Variants in PLIN1 observed in about 807,000 individuals in gnomAD.
PLIN1 encodes perilipin-1.
PLIN1 carries 37 observed loss-of-function variants against 45.8 expected under a neutral mutation model. The observed-to-expected ratio is 0.81, with a 90% CI of 0.62 to 1.06. PLIN1 has a LOEUF of 1.06. Among genes scored for constraint, PLIN1 ranks in the 50% least tolerant of loss-of-function variants. PLIN1 has a pLI of 0.00. For synonymous variants in PLIN1, 340 were observed against 309.2 expected, an observed-to-expected ratio of 1.10 and a Z score of -1.05; for missense variants, 776 against 716.5, an observed-to-expected ratio of 1.08 and a Z score of -0.95.
Position 89,673,392 on chromosome 15 carries a change from CGCT to C in PLIN1, c.65_67del (p.Gln22del). The C allele has an allele frequency of 6.2e-7, 1 of 1,602,336 alleles. No homozygotes were observed. The highest frequency in any genetic ancestry group is 8.5e-7 in the Non-Finnish European group (1 of 1,174,190). On this transcript the variant is annotated inframe_deletion, in exon 3 of 9. Transcript: ENST00000300055. ...ACTCACCACCGGCAGCTGCAGGACCCGCTGCAGCACATTCTCCTGCTCCTGGTG... is the reference window on the plus strand; with the variant it reads ...ACTCACCACCGGCAGCTGCAGGACCCGCAGCACATTCTCCTGCTCCTGGTG...
At chr15:89,667,305 T>C (rs1487275692) in intron 7 of PLIN1, 124 bp from the exon 8 acceptor site, 2 of 1,302,472 alleles carry the variant, frequency 1.5e-6, no homozygotes, top group African/African-American at 2.9e-5. Context: ...AGGCCTATTC[T>C]GCCACTAGCA....
At position 89,664,831 on chromosome 15, in the gene PLIN1, T is replaced by C. The variant is rs1197301590; in HGVS notation, c.*752A>G. On this transcript the variant is annotated 3_prime_UTR_variant, in exon 9 of 9. Transcript: ENST00000300055. ...ACTAGGGTTGGGGATGAACTGTGGC[T>C]ATACATAAAGTCTATATATCATCAC... is the stretch of plus-strand genomic sequence containing the variant. 1 of 455,290 alleles carries C rather than the reference T, an allele frequency of 2.2e-6. No homozygotes were observed. Among genetic ancestry groups the C allele is most frequent in the South Asian group, 1.6e-5 (1 of 64,312 alleles). 28.2% of individuals were successfully genotyped at this position (455,290 alleles called of 1,614,324 possible). A position where few individuals can be genotyped will look rare whatever the true frequency, so the allele number is the denominator to read the frequency against.
rs747073444 is a variant in PLIN1, at chr15:89,665,757, G to T, written c.1395C>A (p.Pro465=). Residue 465 remains proline, a synonymous_variant, in exon 9 of 9, where the codon CCC becomes CCA. Transcript: ENST00000300055. ...CTTCGTCCTCCAGGCCCGGGCCGGG[G>T]GGCGCGCCGGGGCTCTGCGCGCTGC... ...SLRSAQSPGA[P]PGPGLEDEVA... 2.3e-4 allele frequency: 298 copies of T among 1,273,980 alleles called. 3 individuals are homozygous for T. In the South Asian group the frequency reaches 6.1e-3, roughly 26 times the overall value. 78.9% of individuals were successfully genotyped at this position (1,273,980 alleles called of 1,614,324 possible). A position where few individuals can be genotyped will look rare whatever the true frequency, so the allele number is the denominator to read the frequency against.
rs796763164 is a variant in PLIN1 at position 89,665,643 on chromosome 15, G to A, written c.1509C>T (p.Pro503=). 2.0e-6 allele frequency: 3 copies of A among 1,505,856 alleles called. No individual in the cohort carries two copies. The highest frequency in any genetic ancestry group is 2.5e-5 in the South Asian group (2 of 80,838). The allele number at this position is 1,505,856 out of a possible 1,614,324, so 93.3% of individuals were successfully genotyped here. A position where few individuals can be genotyped will look rare whatever the true frequency, so the allele number is the denominator to read the frequency against. Residue 503 remains proline, a synonymous_variant, in exon 9 of 9, where the codon CCC becomes CCT. Coordinates refer to ENST00000300055, the MANE Select transcript of PLIN1 (RefSeq NM_002666.5). The part of the protein sequence containing the change: ...KRRVSDSFFR[P]SVMEPILGRT... ...GGCCCAGGATGGGCTCCATGACGCT[G>A]GGCCGGAAGAAGCTGTCGCTGACCC...
rs1185808061 is a variant in PLIN1 at position 89,669,532 on chromosome 15, CG to C, written c.738del (p.Val247TrpfsTer11). Reference protein sequence around the residue: ...TMARALEQGHTVAMWIPGVVP... With the variant: ...TMARALEQGHXVAMWIPGVVP... ...ACCACGCCTGGGATCCACATGGCCA[CG>C]GTGTGGCCCTGCTCCAGGGCCCGGG... On this transcript the variant is annotated frameshift_variant, in exon 6 of 9. Transcript: ENST00000300055. LOFTEE classifies it high-confidence loss of function. The C allele has an allele frequency of 8.7e-6, 14 of 1,613,490 alleles. No individual in the cohort carries two copies. The highest frequency in any genetic ancestry group is 1.2e-5 in the Non-Finnish European group (14 of 1,179,968).
In PLIN1 at chr15:89,679,331, C is replaced by G. The variant is rs1164762067; in HGVS notation, c.-95G>C. 6.5e-6 allele frequency: 1 copy of G among 152,818 alleles called. No individual in the cohort carries two copies. Among genetic ancestry groups the G allele is most frequent in the African/African-American group, 2.4e-5 (1 of 41,424 alleles). The allele number at this position is 152,818 out of a possible 1,614,324, so 9.5% of individuals were successfully genotyped here. The stretch of plus-strand genomic sequence containing the variant: ...GGACCCCAACACTCACTCCGGCTGA[C>G]CGCCACCTCAGTCTCACAGAGCCCA... On this transcript the variant is annotated 5_prime_UTR_variant, in exon 1 of 9. Coordinates refer to ENST00000300055, the MANE Select transcript of PLIN1 (RefSeq NM_002666.5).
At chr15:89,678,749 T>TA (rs1239463047) in intron 1 of PLIN1, among the ~76,000 whole-genome samples, 1 of 152,096 alleles carries the variant, frequency 6.6e-6, no homozygotes, top group Non-Finnish European at 1.5e-5. Flanking sequence ...TGCCCATCTC[T>TA]AAAAAAATAA....
chr15:89,670,586 G>C (rs1305271831), intron 4 of PLIN1, among the ~76,000 whole-genome samples: 1 of 152,144 alleles, frequency 6.6e-6, no homozygotes, highest in Non-Finnish European at 1.5e-5. Flanking sequence ...CCTTTCCTCA[G>C]AACACAGCAT....
chr15:89,677,836 C>T (rs550864633), intron 1 of PLIN1: 7 of 232,470 alleles, frequency 3.0e-5, no homozygotes, highest in African/African-American at 9.1e-5. Flanking sequence ...CTACAACCTC[C>T]GCCTCCCGGG....
intron 2 of PLIN1, 65 bp downstream of exon 2, chr15:89,677,380 C>T (rs550109785): frequency 1.3e-4 from 172 of 1,284,700 alleles, no homozygotes; most frequent in Non-Finnish European, 1.9e-4. Context: ...TGCATCTCCC[C>T]TCCCTGCTTC....
At position 89,666,443 on chromosome 15, in the gene PLIN1, T is replaced by C. The variant is rs76740021; in HGVS notation, c.1209+493A>G. Among the ~76,000 whole-genome samples, 51 of 152,310 alleles carry C rather than the reference T, an allele frequency of 3.3e-4. 1 individual carries two copies. The East Asian group carries it at 9.3e-3, about 28-fold the overall frequency. On this transcript the variant is annotated intron_variant, in intron 8 of 8. Coordinates refer to ENST00000300055, the MANE Select transcript of PLIN1 (RefSeq NM_002666.5). The stretch of plus-strand genomic sequence containing the variant: ...CAGGCCTGCATAATCTGTAACCTGC[T>C]TTGGAAAGGGGCTCCCAAAGGGATG...
chr15:89,669,760 T>C (rs1024770837), intron 5 of PLIN1, 88 bp from the exon 6 acceptor site: 3 of 1,285,396 alleles, frequency 2.3e-6, no homozygotes, highest in Non-Finnish European at 3.3e-6. Flanking sequence ...GGAAAGTAGG[T>C]GTTCTAGGTC....
At position 89,664,693 on chromosome 15, in the gene PLIN1, A is replaced by T; in HGVS notation, c.*890T>A. 2.7e-6 allele frequency: 1 copy of T among 376,064 alleles called. No homozygotes were observed. The highest frequency in any genetic ancestry group is 3.2e-5 in the Admixed American group (1 of 31,614). The allele number at this position is 376,064 out of a possible 1,614,324, so 23.3% of individuals were successfully genotyped here. Reference sequence around the variant, plus strand: ...AGAGATGGCACCGTGGTGGTTTTCAATGAAGGGGAACAGGGGAGCTCGGGG... The same window carrying T: ...AGAGATGGCACCGTGGTGGTTTTCATTGAAGGGGAACAGGGGAGCTCGGGG... On this transcript the variant is annotated 3_prime_UTR_variant, in exon 9 of 9. Coordinates refer to ENST00000300055, the MANE Select transcript of PLIN1 (RefSeq NM_002666.5).
At chr15:89,666,033 C>G (rs1481678357) in intron 8 of PLIN1, 91 bp from the exon 9 acceptor site, 2 of 1,013,334 alleles carry the variant, frequency 2.0e-6, no homozygotes, top group Non-Finnish European at 2.6e-6. Context: ...CTCGATTGTT[C>G]CCCCGGGAGC....
chr15:89,678,426 C>G (rs1345328696), intron 1 of PLIN1, among the ~76,000 whole-genome samples: 1 of 151,764 alleles, frequency 6.6e-6, no homozygotes, highest in East Asian at 2.0e-4. Flanking sequence ...AGGAGGATCG[C>G]TTGAGCCTGA....
At chr15:89,677,666 C>T in intron 1 of PLIN1, 163 bp from the exon 2 acceptor site, 1 of 723,202 alleles carries the variant, frequency 1.4e-6, no homozygotes, top group South Asian at 1.4e-5. Context: ...CACACAATAG[C>T]CCCACTCCTT....
rs547275627 is a variant in PLIN1, at chr15:89,676,469, G to C, written c.45+976C>G. On this transcript the variant is annotated intron_variant, in intron 2 of 8. Coordinates refer to ENST00000300055, the MANE Select transcript of PLIN1 (RefSeq NM_002666.5). ...TCACTGTGTTAGCCAGGATGGTCTT[G>C]ATCTCCTGACCTTGTGAACCGCCCG... Among the ~76,000 whole-genome samples the C allele has an allele frequency of 5.9e-5, 9 of 152,110 alleles. No homozygotes were observed. In the East Asian group the frequency reaches 9.6e-4, roughly 16 times the overall value.
At chr15:89,670,279 T>G (rs1473984440) in intron 4 of PLIN1, 35 bp from the exon 5 acceptor site, 1 of 1,597,952 alleles carries the variant, frequency 6.3e-7, no homozygotes, top group South Asian at 1.1e-5. Context: ...AGGCATGTGG[T>G]CTTGCAGGCC....
intron 2 of PLIN1, chr15:89,677,210 T>C (rs1291972743): frequency 1.7e-6 from 1 of 583,962 alleles, no homozygotes; most frequent in African/African-American, 1.9e-5. Context: ...AGGATTTCTG[T>C]CCCTTTTTTT....
Sources: gnomAD v4.1 joint callset for allele counts (sites outside exome capture counted in the v4.1 genomes callset) on GRCh38, gnomAD v4.1.1 for gene constraint, MANE v1.5 for transcripts, NCBI Gene and HGNC (gene_info 2026-07-23, HGNC 2026-07-21) for gene names.